The following ERCC1 variants were observed in gnomAD, a reference collection of about 807,000 sequenced individuals.
ERCC1 encodes DNA excision repair protein ERCC-1.
In ERCC1, 36 loss-of-function variants were observed where a neutral mutation model predicts 37.6. The observed-to-expected ratio is 0.96, with a 90% CI of 0.73 to 1.26. The LOEUF (loss-of-function observed/expected upper bound fraction) is 1.26. Among genes scored for constraint, ERCC1 ranks in the 50% most tolerant of loss-of-function variants. The pLI, the probability that ERCC1 is intolerant of heterozygous loss-of-function variation, is 0.00. For synonymous variants in ERCC1, 156 were observed against 162.1 expected, an observed-to-expected ratio of 0.96 and a Z score of 0.28; for missense variants, 349 against 376.5, an observed-to-expected ratio of 0.93 and a Z score of 0.60.
intron 1 of ERCC1, among the ~76,000 whole-genome samples, chr19:45,432,081 C>T (rs2123573824): frequency 6.6e-6 from 1 of 152,136 alleles, no homozygotes; most frequent in South Asian, 2.1e-4. Flanking sequence ...AAGCAATTCT[C>T]CTGCCTCAGC....
At chr19:45,418,904 G>A (rs566963235) in intron 5 of ERCC1, among the ~76,000 whole-genome samples, 194 bp downstream of exon 5, 1 of 152,258 alleles carries the variant, frequency 6.6e-6, no homozygotes, top group African/African-American at 2.4e-5. Context: ...AAGGGGATGT[G>A]GGGAAAGAGG....
At chr19:45,415,695 C>T in intron 6 of ERCC1, 1 of 430,398 alleles carries the variant, frequency 2.3e-6, no homozygotes, top group Middle Eastern at 3.4e-4. Flanking sequence ...TCCAGCCCAT[C>T]CCCCGCCAAA....
At position 45,420,283 on chromosome 19, in the gene ERCC1, G is replaced by A. The variant is rs772140536; in HGVS notation, c.425+41C>T. On this transcript the variant is annotated intron_variant, in intron 4 of 9. Coordinates refer to ENST00000300853, the MANE Select transcript of ERCC1 (RefSeq NM_001983.4). This position sits in a 1 kb window ranked among gnomAD's most constrained non-coding sequence, Gnocchi z 4.8. ...GGACATGACCCTCCCAGGCCAGTGG[G>A]GTGCCCTTCCTGAAGTCTGGGGTGG... 1 of 1,302,018 alleles carries A rather than the reference G, an allele frequency of 7.7e-7. No individual in the cohort carries two copies. Among genetic ancestry groups the A allele is most frequent in the Non-Finnish European group, 1.1e-6 (1 of 907,200 alleles). 80.7% of individuals were successfully genotyped at this position (1,302,018 alleles called of 1,614,324 possible).
At chr19:45,426,775 A>T (rs1175917486), upstream of ERCC1, among the ~76,000 whole-genome samples, 1 of 151,554 alleles carries the variant, frequency 6.6e-6, no homozygotes, top group East Asian at 1.9e-4. Context: ...CCAGGGCAAC[A>T]TGACAAAACC....
chr19:45,438,143 C>T (rs1975029384), intron 1 of ERCC1, among the ~76,000 whole-genome samples: 1 of 152,090 alleles, frequency 6.6e-6, no homozygotes, highest in African/African-American at 2.4e-5. Flanking sequence ...ATCTCCTGAC[C>T]TCGTGATCCA....
chr19:45,448,060 C>T (rs915100531), intron 1 of ERCC1, among the ~76,000 whole-genome samples: 7 of 152,062 alleles, frequency 4.6e-5, no homozygotes, highest in South Asian at 2.1e-4. Flanking sequence ...TTAGTAGAGA[C>T]GGGGTTTCGC....
intron 6 of ERCC1, chr19:45,415,795 G>A: frequency 2.2e-6 from 1 of 455,974 alleles, no homozygotes; most frequent in Non-Finnish European, 4.4e-6. Flanking sequence ...ACTTCTCCCT[G>A]GGTAACCCTG....
chr19:45,413,019 G>A (rs1398235181), intron 9 of ERCC1, among the ~76,000 whole-genome samples: 1 of 152,122 alleles, frequency 6.6e-6, no homozygotes, highest in Non-Finnish European at 1.5e-5. Context: ...GGGATTACAG[G>A]CCCAAGCCAC....
intron 1 of ERCC1, among the ~76,000 whole-genome samples, chr19:45,450,390 A>G (rs1599871978): frequency 6.6e-6 from 1 of 152,138 alleles, no homozygotes; most frequent in African/African-American, 2.4e-5. Context: ...CAGGGAAGGA[A>G]CCCTCTTCTT....
upstream of ERCC1, among the ~76,000 whole-genome samples, chr19:45,428,156 T>A (rs1974746508): frequency 7.4e-6 from 1 of 135,536 alleles, no homozygotes; most frequent in Admixed American, 8.1e-5. Context: ...CGATCACACC[T>A]CACTGCAGCC....
In ERCC1 at chr19:45,408,815, G is replaced by A; in HGVS notation, c.*860C>T. 2 of 1,614,072 alleles carry A rather than the reference G, an allele frequency of 1.2e-6. No homozygotes were observed. The highest frequency in any genetic ancestry group is 1.7e-6 in the Non-Finnish European group (2 of 1,180,030). Reference sequence around the variant, plus strand: ...TAACACTGAGCCTCTAGAAGACACAGTCCTGTCCCCGACCAAAAAGAGAAA... The same window carrying A: ...TAACACTGAGCCTCTAGAAGACACAATCCTGTCCCCGACCAAAAAGAGAAA... On this transcript the variant is annotated 3_prime_UTR_variant, in exon 10 of 10. Transcript: ENST00000300853.
At chr19:45,411,891 C>CT in intron 9 of ERCC1, among the ~76,000 whole-genome samples, 1 of 151,880 alleles carries the variant, frequency 6.6e-6, no homozygotes, top group Non-Finnish European at 1.5e-5. Flanking sequence ...GAGTCTCACT[C>CT]TGTCACCCAG....
chr19:45,444,394 G>C lies in ERCC1; in HGVS notation c.-7-21013C>G, dbSNP rs1202529336. Among the ~76,000 whole-genome samples the C allele has an allele frequency of 3.1e-5, 4 of 130,596 alleles. No individual in the cohort carries two copies. In the South Asian group the frequency reaches 1.1e-3, roughly 36 times the overall value. The allele number at this position is 130,596 out of a possible 152,430, so 85.7% of individuals were successfully genotyped here. On this transcript the variant is annotated intron_variant, in intron 1 of 8. Coordinates refer to the ERCC1 transcript ENST00000423698. ...GCGCGGGTTCCCAGGCCGCCCCCCC[G>C]CGGTGGCCCAGAGACCCAGTTTGCT...
chr19:45,408,909 A>C lies in ERCC1; in HGVS notation c.*766T>G, dbSNP rs756736472. On this transcript the variant is annotated 3_prime_UTR_variant, in exon 10 of 10. Coordinates refer to ENST00000300853, the MANE Select transcript of ERCC1 (RefSeq NM_001983.4). ...ACAGTTGAGTCTCAGCCACAGGTGAAGGTGGAGCCACTGGAGGAAGCCATC... is the reference window on the plus strand; with the variant it reads ...ACAGTTGAGTCTCAGCCACAGGTGACGGTGGAGCCACTGGAGGAAGCCATC... 6.2e-7 allele frequency: 1 copy of C among 1,614,108 alleles called. No homozygotes were observed. Among genetic ancestry groups the C allele is most frequent in the Admixed American group, 1.7e-5 (1 of 60,014 alleles).
At position 45,418,478 on chromosome 19, in the gene ERCC1, C is replaced by A. The variant is rs1398843785; in HGVS notation, c.525+620G>T. ...GAGGTTGCAGTGGGCTAAGATCTGGCCATTGCACTCCAGCCTGGGCGACAG... is the reference window on the plus strand; with the variant it reads ...GAGGTTGCAGTGGGCTAAGATCTGGACATTGCACTCCAGCCTGGGCGACAG... On this transcript the variant is annotated intron_variant, in intron 5 of 9. Coordinates refer to ENST00000300853, the MANE Select transcript of ERCC1 (RefSeq NM_001983.4). Among the ~76,000 whole-genome samples, 6 of 151,558 alleles carry A rather than the reference C, an allele frequency of 4.0e-5. No homozygotes were observed. In the East Asian group the frequency reaches 1.2e-3, roughly 30 times the overall value.
chr19:45,430,754 A>G (rs922329765), intron 1 of ERCC1, among the ~76,000 whole-genome samples: 1 of 151,972 alleles, frequency 6.6e-6, no homozygotes, highest in African/African-American at 2.4e-5. Flanking sequence ...CAACTCTACT[A>G]AAAATACAAA....
At chr19:45,440,766 C>T (rs1000197486) in intron 1 of ERCC1, among the ~76,000 whole-genome samples, 3 of 152,180 alleles carry the variant, frequency 2.0e-5, no homozygotes, top group Non-Finnish European at 2.9e-5. Context: ...GGCTGGAGTG[C>T]AGTGTTGCCC....
intron 9 of ERCC1, chr19:45,410,240 G>C (rs2123445018): frequency 6.5e-6 from 1 of 152,760 alleles, no homozygotes; most frequent in East Asian, 1.9e-4. Context: ...CTGGAGTGCA[G>C]TGGTGTGATC....
At position 45,423,859 on chromosome 19, in the gene ERCC1, G is replaced by C. The variant is rs1054551184; in HGVS notation, c.-86C>G. 1.8e-6 allele frequency: 2 copies of C among 1,122,450 alleles called. No individual in the cohort carries two copies. Among genetic ancestry groups the C allele is most frequent in the Admixed American group, 8.9e-5 (2 of 22,366 alleles). The allele number at this position is 1,122,450 out of a possible 1,614,324, so 69.5% of individuals were successfully genotyped here. On this transcript the variant is annotated 5_prime_UTR_variant, in exon 1 of 10. Coordinates refer to ENST00000300853, the MANE Select transcript of ERCC1 (RefSeq NM_001983.4). ...GGAGCCTCAAGGGAAAGACTGCAGA[G>C]GGATCGAGGCGGCCCACTGCCAGCA...
Sources: allele counts gnomAD v4.1 joint callset (sites outside exome capture counted in the v4.1 genomes callset), GRCh38; gene constraint gnomAD v4.1.1; non-coding constraint Gnocchi (gnomAD v3.1); transcripts MANE v1.5; gene names NCBI Gene and HGNC (gene_info 2026-07-23, HGNC 2026-07-21).